Variants in MYH10 observed in about 807,000 individuals in gnomAD.
MYH10 encodes myosin heavy chain 10, also known as myosin-10.
A neutral mutation model predicts 257.8 loss-of-function variants in MYH10; 55 were observed. The observed-to-expected ratio is 0.21, with a 90% CI of 0.17 to 0.27. MYH10 has a LOEUF of 0.27. Ranked by LOEUF, MYH10 falls within the 10% of genes least tolerant of loss-of-function variation. The probability of loss-of-function intolerance (pLI) is 1.00; values close to 1 mark genes in which losing one functional copy is unlikely to be tolerated. For synonymous variants in MYH10, 854 were observed against 921.7 expected (o/e 0.93, Z 1.33); for missense variants, 1,631 against 2,500.6 (o/e 0.65, Z 7.42).
chr17:8,626,001 G>C (rs2085660081), intron 1 of MYH10, among the ~76,000 whole-genome samples: 1 of 151,982 alleles, frequency 6.6e-6, no homozygotes, highest in Admixed American at 6.5e-5. Context: ...TTATAGACTT[G>C]GATAAAACAA....
chr17:8,478,578 T>G (rs1249804966), intron 40 of MYH10, 132 bp from the exon 41 acceptor site: 1 of 761,448 alleles, frequency 1.3e-6, no homozygotes, highest in Admixed American at 2.5e-5. Flanking sequence ...CTGTCCAGAA[T>G]TCATGACTAA....
At chr17:8,620,806 T>C (rs576239822) in intron 2 of MYH10, among the ~76,000 whole-genome samples, 7 of 152,262 alleles carry the variant, frequency 4.6e-5, no homozygotes, top group Admixed American at 4.6e-4. Flanking sequence ...ACCCAACTAA[T>C]TGAAGATATG....
At chr17:8,510,392 A>G (rs927139096) in intron 24 of MYH10, among the ~76,000 whole-genome samples, 2 of 152,216 alleles carry the variant, frequency 1.3e-5, no homozygotes, top group East Asian at 1.9e-4. Context: ...GCTACAGGCT[A>G]AAGTACAAAC....
chr17:8,612,935 T>G (rs941793920), intron 2 of MYH10, among the ~76,000 whole-genome samples: 1 of 152,202 alleles, frequency 6.6e-6, no homozygotes, highest in Non-Finnish European at 1.5e-5. Context: ...ATTTGTGGTT[T>G]CAGGCATCCA....
At position 8,556,685 on chromosome 17, in the gene MYH10, G is replaced by A. The variant is rs375153527; in HGVS notation, c.757-2667C>T. On this transcript the variant is annotated intron_variant, in intron 7 of 42. Transcript: ENST00000360416. ...GTAAGGGAAACATTCTTCCTCTAGAGCATGGTGCTCACTACACTACGTACA... is the reference window on the plus strand; with the variant it reads ...GTAAGGGAAACATTCTTCCTCTAGAACATGGTGCTCACTACACTACGTACA... Among the ~76,000 whole-genome samples, 71 of 152,310 alleles carry A rather than the reference G, an allele frequency of 4.7e-4. No individual in the cohort carries two copies. In the South Asian group the frequency reaches 6.0e-3, roughly 13 times the overall value.
At chr17:8,617,240 T>C (rs1156602612) in intron 2 of MYH10, among the ~76,000 whole-genome samples, 3 of 152,114 alleles carry the variant, frequency 2.0e-5, no homozygotes, top group Admixed American at 1.3e-4. Flanking sequence ...GGTCAGGATA[T>C]TTATGCCCTA....
chr17:8,606,681 T>G (rs1342915987), intron 2 of MYH10, among the ~76,000 whole-genome samples: 2 of 152,204 alleles, frequency 1.3e-5, no homozygotes, highest in African/African-American at 2.4e-5. Context: ...TTTCCTGAAC[T>G]CACAATTGCA....
rs780429629 is a variant in MYH10, at chr17:8,480,303, C to T, written c.5404G>A (p.Ala1802Thr). The T allele has an allele frequency of 2.7e-5, 43 of 1,613,984 alleles. No individual in the cohort carries two copies. The Admixed American group carries it at 2.7e-4, about 10-fold the overall frequency. The part of the protein sequence containing the change: ...KTTLQVDTLN[A>T]ELAAERSAAQ... ...GCGCTGCGCTCGGCTGCTAGCTCGG[C>T]GTTCAGTGTGTCCACCTAGAGAGGA... The change falls in exon 40 of 43, where the codon GCC (alanine) becomes ACC (threonine). Residue 1802 changes from alanine (A) to threonine (T), a missense_variant. Ala to Thr is a moderately conservative substitution (Grantham distance 58, BLOSUM62 0). Around this residue, in one of 11 missense-constraint regions of MYH10, gnomAD observed 343 missense variants for 389.5 expected, o/e 0.88. Coordinates refer to ENST00000360416, the MANE Select transcript of MYH10 (RefSeq NM_001256012.3).
At chr17:8,566,018 T>A (rs1006719350) in intron 7 of MYH10, among the ~76,000 whole-genome samples, 14 of 152,154 alleles carry the variant, frequency 9.2e-5, no homozygotes, top group Admixed American at 2.0e-4. Context: ...GGCTCAATAA[T>A]TCTAAGCGGT....
chr17:8,574,230 A>G (rs9890899), intron 6 of MYH10, among the ~76,000 whole-genome samples: 3,672 of 152,338 alleles, frequency 0.024, 52 homozygotes, highest in Non-Finnish European at 0.026. Context: ...TATATGTGCT[A>G]GAATCTGGAT....
chr17:8,513,028 T>A (rs2151882669), intron 23 of MYH10, among the ~76,000 whole-genome samples: 1 of 152,314 alleles, frequency 6.6e-6, no homozygotes. Flanking sequence ...ATTGTTAATA[T>A]TTTTGGCCTT....
chr17:8,488,576 G>C (rs1915251745), intron 35 of MYH10, among the ~76,000 whole-genome samples: 1 of 152,232 alleles, frequency 6.6e-6, no homozygotes, highest in Admixed American at 6.5e-5. Flanking sequence ...AGCGAGCAAA[G>C]AAAGGTCCCT....
chr17:8,601,669 C>T (rs1443756857), intron 3 of MYH10, among the ~76,000 whole-genome samples: 1 of 152,176 alleles, frequency 6.6e-6, no homozygotes, highest in African/African-American at 2.4e-5. Flanking sequence ...CCATTCCATG[C>T]TTTTAATGAA....
chr17:8,476,883 G>C lies in MYH10; in HGVS notation c.5872C>G (p.Arg1958Gly). ...GGCCGCATGCCTGCTCACCTCAGCC[G>C]GTTCTTCAGGGTGCTGACCTCGCGG... ...LSREVSTLKNRLRRGGPISFS... is the reference protein window; with the variant it reads ...LSREVSTLKNGLRRGGPISFS... The change falls in exon 42 of 43, where the codon CGG (arginine) becomes GGG (glycine). Residue 1958 changes from arginine to glycine, a missense_variant. Physicochemically the swap from Arg to Gly is moderately radical, Grantham distance 125 (BLOSUM62 -2). This residue lies in a region of MYH10 where 343 missense variants were observed against 389.5 expected (regional missense o/e 0.88). Coordinates refer to ENST00000360416, the MANE Select transcript of MYH10 (RefSeq NM_001256012.3). The C allele has an allele frequency of 6.2e-7, 1 of 1,608,112 alleles. No homozygotes were observed. The highest frequency in any genetic ancestry group is 1.1e-5 in the South Asian group (1 of 90,994).
At chr17:8,570,372 G>T (rs2083294969) in intron 6 of MYH10, among the ~76,000 whole-genome samples, 1 of 152,178 alleles carries the variant, frequency 6.6e-6, no homozygotes, top group Non-Finnish European at 1.5e-5. Context: ...GATTTAAAAG[G>T]CTAAGTAGAG....
chr17:8,615,613 G>A (rs1244571317), intron 2 of MYH10, among the ~76,000 whole-genome samples: 1 of 152,072 alleles, frequency 6.6e-6, no homozygotes, highest in Non-Finnish European at 1.5e-5. Context: ...AGAATATTTG[G>A]TCCTTGCAAG....
At chr17:8,572,261 TGAGAGAGAGA>T (rs66710491) in intron 6 of MYH10, among the ~76,000 whole-genome samples, 8 of 147,420 alleles carry the variant, frequency 5.4e-5, no homozygotes, top group Non-Finnish European at 9.0e-5. Flanking sequence ...TGTGTGTGAG[TGAGAGAGAGA>T]GAGAGAGAGA....
chr17:8,593,229 C>A (rs2084239136), intron 3 of MYH10, among the ~76,000 whole-genome samples: 1 of 151,760 alleles, frequency 6.6e-6, no homozygotes, highest in African/African-American at 2.4e-5. Flanking sequence ...CAGTTAATAT[C>A]CTCTTTAATA....
intron 1 of MYH10, among the ~76,000 whole-genome samples, chr17:8,629,869 C>T (rs967803178): frequency 5.3e-5 from 8 of 151,984 alleles, no homozygotes; most frequent in African/African-American, 1.7e-4. Flanking sequence ...CGGCAGGACG[C>T]CCTCCTCCCG....
Sources: allele counts gnomAD v4.1 joint callset (sites outside exome capture counted in the v4.1 genomes callset), GRCh38; gene constraint gnomAD v4.1.1; regional missense constraint gnomAD v4.1.1; transcripts MANE v1.5; gene names NCBI Gene and HGNC (gene_info 2026-07-23, HGNC 2026-07-21).